Variants in SSH2 observed in about 807,000 individuals in gnomAD.
The protein encoded by SSH2 is slingshot protein phosphatase 2.
In SSH2, 37 loss-of-function variants were observed where a neutral mutation model predicts 135.2. The observed-to-expected ratio is 0.27, with a 90% CI of 0.21 to 0.36. The LOEUF is 0.36. Among genes scored for constraint, SSH2 ranks in the 10% least tolerant of loss-of-function variants. The pLI is 1.00. For synonymous variants in SSH2, 628 were observed against 646.2 expected (o/e 0.97, Z 0.43); for missense variants, 1,408 against 1,765.3 (o/e 0.80, Z 3.63).
At chr17:29,715,241 T>C (rs1234952956) in intron 3 of SSH2, among the ~76,000 whole-genome samples, 1 of 146,972 alleles carries the variant, frequency 6.8e-6, no homozygotes. Flanking sequence ...CATGTCCTAT[T>C]TCTTTCTTTC....
intron 12 of SSH2, among the ~76,000 whole-genome samples, chr17:29,651,266 T>C (rs1431850621): frequency 6.6e-6 from 1 of 152,216 alleles, no homozygotes; most frequent in Non-Finnish European, 1.5e-5. Context: ...TGAATAACGA[T>C]TTCTTCCTAT....
chr17:29,677,867 G>T, intron 6 of SSH2, 126 bp from the exon 7 acceptor site: 1 of 688,008 alleles, frequency 1.5e-6, no homozygotes. Context: ...GTGTTACAAT[G>T]AAGAAATTTC....
chr17:29,811,970 T>C (rs1401989958), intron 2 of SSH2, among the ~76,000 whole-genome samples: 1 of 152,096 alleles, frequency 6.6e-6, no homozygotes, highest in African/African-American at 2.4e-5. Context: ...TAAATATATT[T>C]ATGATTTTTA....
intron 9 of SSH2, among the ~76,000 whole-genome samples, chr17:29,670,622 A>G (rs1187890923): frequency 1.3e-5 from 2 of 151,888 alleles, no homozygotes; most frequent in African/African-American, 4.8e-5. Flanking sequence ...AAAACTACAA[A>G]AATTAGCTGG....
chr17:29,736,146 G>T (rs1412055920), intron 3 of SSH2, among the ~76,000 whole-genome samples: 2 of 152,120 alleles, frequency 1.3e-5, no homozygotes, highest in Non-Finnish European at 2.9e-5. Context: ...CAAGCATTAA[G>T]TGAGAGTTGA....
chr17:29,672,847 C>T (rs2037548398), intron 8 of SSH2, among the ~76,000 whole-genome samples: 1 of 152,126 alleles, frequency 6.6e-6, no homozygotes, highest in African/African-American at 2.4e-5. Flanking sequence ...GCTGGGATTA[C>T]AGGTGCATGC....
chr17:29,723,134 T>A (rs1224489893), intron 3 of SSH2, among the ~76,000 whole-genome samples: 4 of 151,880 alleles, frequency 2.6e-5, no homozygotes, highest in African/African-American at 9.7e-5. Flanking sequence ...GGGCAAGATA[T>A]CCCATCTCTG....
intron 2 of SSH2, among the ~76,000 whole-genome samples, chr17:29,800,682 T>A (rs1055979832): frequency 6.6e-6 from 1 of 151,766 alleles, no homozygotes; most frequent in Non-Finnish European, 1.5e-5. Context: ...TTAATTAATT[T>A]AATAATTAAA....
intron 1 of SSH2, among the ~76,000 whole-genome samples, chr17:29,889,654 T>A (rs2066310255): frequency 6.6e-6 from 1 of 151,628 alleles, no homozygotes; most frequent in African/African-American, 2.4e-5. Context: ...GAGAATGGGA[T>A]AAAATATTTG....
chr17:29,682,244 A>G (rs1292393628), intron 6 of SSH2, among the ~76,000 whole-genome samples: 5 of 152,196 alleles, frequency 3.3e-5, no homozygotes, highest in Admixed American at 6.5e-5. Flanking sequence ...GGAAGATTCA[A>G]TTGAAGCTTC....
In SSH2 at chr17:29,772,230, G is replaced by A. The variant is rs867366545; in HGVS notation, c.188+21664C>T. Among the ~76,000 whole-genome samples the A allele has an allele frequency of 2.4e-4, 36 of 151,904 alleles. 1 individual carries two copies. Among genetic ancestry groups the A allele is most frequent in the African/African-American group, 8.4e-4 (35 of 41,446 alleles). ...GGGCTACCATAGTGTGAGGTGAGAC[G>A]GAACTAAAATCAGGTCTTTTTTTTT... is the stretch of plus-strand genomic sequence containing the variant. On this transcript the variant is annotated intron_variant, in intron 3 of 15. Transcript: ENST00000540801.
chr17:29,797,975 G>T (rs796725453), intron 2 of SSH2, among the ~76,000 whole-genome samples: 3 of 151,954 alleles, frequency 2.0e-5, no homozygotes, highest in East Asian at 3.9e-4. Flanking sequence ...TTTCTTTTGG[G>T]TCACAAGACA....
At chr17:29,713,518 A>C (rs993716209) in intron 3 of SSH2, among the ~76,000 whole-genome samples, 2 of 152,126 alleles carry the variant, frequency 1.3e-5, no homozygotes, top group African/African-American at 4.8e-5. Flanking sequence ...ATCATGAAAG[A>C]TCAGAGCTGC....
At chr17:29,906,216 G>GT (rs1435656844) in intron 1 of SSH2, among the ~76,000 whole-genome samples, 1 of 151,894 alleles carries the variant, frequency 6.6e-6, no homozygotes, top group Non-Finnish European at 1.5e-5. Flanking sequence ...CAAAGATCCC[G>GT]TAACACAACC....
At chr17:29,906,742 C>T (rs55887213) in intron 1 of SSH2, among the ~76,000 whole-genome samples, 63,330 of 151,950 alleles carry the variant, frequency 0.42, 15,176 homozygotes, top group East Asian at 0.69. Flanking sequence ...GACATACATG[C>T]GGCCAATAAA....
chr17:29,648,014 T>A, intron 14 of SSH2, 130 bp downstream of exon 14: 1 of 891,704 alleles, frequency 1.1e-6, no homozygotes, highest in Non-Finnish European at 1.8e-6. Context: ...ACTGGATTGA[T>A]AGAGAAATAA....
At chr17:29,881,542 C>T (rs557648601) in intron 1 of SSH2, among the ~76,000 whole-genome samples, 17 of 152,166 alleles carry the variant, frequency 1.1e-4, no homozygotes, top group African/African-American at 4.1e-4. Context: ...TGCTCTGTCA[C>T]TCAGGCTGGA....
intron 1 of SSH2, chr17:29,856,323 T>C: frequency 4.2e-6 from 1 of 239,716 alleles, no homozygotes; most frequent in East Asian, 1.4e-4. Context: ...TTTAGCAGGC[T>C]GATGAATAAG....
chr17:29,631,084 A>G lies in SSH2; in HGVS notation c.4110T>C (p.Leu1370=). The G allele has an allele frequency of 1.9e-6, 3 of 1,614,194 alleles. No individual in the cohort carries two copies. The East Asian group carries it at 6.7e-5, about 36-fold the overall frequency. Residue 1370 remains leucine, a synonymous_variant, in exon 16 of 16, where the codon CTT becomes CTC. Transcript: ENST00000540801. ...AACCAAATTCTTTGGCATACTGCACAAGGGGCCTCTCCACTGGCTTGCTCT... is the reference window on the plus strand; with the variant it reads ...AACCAAATTCTTTGGCATACTGCACGAGGGGCCTCTCCACTGGCTTGCTCT... ...IVQSKPVERP[L]VQYAKEFGSS... is the part of the protein sequence containing the mutation.
Sources: gnomAD v4.1 joint callset for allele counts (sites outside exome capture counted in the v4.1 genomes callset) on GRCh38, gnomAD v4.1.1 for gene constraint, MANE v1.5 for transcripts, NCBI Gene and HGNC (gene_info 2026-07-23, HGNC 2026-07-21) for gene names.